DOCK4: variants seen among roughly 807,000 people sequenced by gnomAD.
The protein encoded by DOCK4 is dedicator of cytokinesis 4.
In DOCK4, 97 loss-of-function variants were observed where a neutral mutation model predicts 268.1. The ratio of observed to expected loss-of-function variants is 0.36; its 90% CI spans 0.31 to 0.43. The LOEUF (loss-of-function observed/expected upper bound fraction) is 0.43, where lower values mean the gene tolerates loss of function less well. Ranked by LOEUF, DOCK4 falls within the 20% of genes least tolerant of loss-of-function variation. The pLI, the probability that DOCK4 is intolerant of heterozygous loss-of-function variation, is 1.00. For missense variants in DOCK4, 2,145 were observed against 2,455.7 expected (o/e 0.87, Z 2.67); for synonymous variants, 954 against 887.2 (o/e 1.08, Z -1.34).
intron 23 of DOCK4, among the ~76,000 whole-genome samples, chr7:111,854,447 T>A (rs1466892960): frequency 6.6e-6 from 1 of 152,202 alleles, no homozygotes; most frequent in Non-Finnish European, 1.5e-5. Flanking sequence ...AATTGCTCAC[T>A]CGGGGAGCTC....
rs754504886 is a variant in DOCK4 at position 111,760,211 on chromosome 7, C to T, written c.4132G>A (p.Asp1378Asn). Reference sequence around the variant, plus strand: ...GCTTCTGCCTGGAAGATGGTCTCATCGGGCTGGTTGGCGTGCTGCATGGCG... The same window carrying T: ...GCTTCTGCCTGGAAGATGGTCTCATTGGGCTGGTTGGCGTGCTGCATGGCG... ...AIAMQHANQP[D>N]ETIFQAEAQY... Residue 1378 changes from aspartate (D) to asparagine (N), a missense_variant, in exon 40 of 53, where the codon GAT (aspartate) becomes AAT (asparagine). Asp to Asn is a conservative substitution (Grantham distance 23). This residue lies in a region of DOCK4 where 1,598 missense variants were observed against 1,986.7 expected (regional missense o/e 0.80). Coordinates refer to ENST00000428084, the MANE Select transcript of DOCK4 (RefSeq NM_001363540.2). The T allele has an allele frequency of 3.0e-5, 49 of 1,613,964 alleles. No individual in the cohort carries two copies. Among genetic ancestry groups the T allele is most frequent in the South Asian group, 1.1e-4 (10 of 91,080 alleles).
At chr7:112,118,160 A>C (rs1812355154) in intron 1 of DOCK4, among the ~76,000 whole-genome samples, 1 of 151,160 alleles carries the variant, frequency 6.6e-6, no homozygotes, top group Admixed American at 6.6e-5. Flanking sequence ...TTTGTCTCCT[A>C]TATTTTTTTC....
At chr7:111,900,832 C>T (rs1295887847) in intron 14 of DOCK4, among the ~76,000 whole-genome samples, 2 of 152,192 alleles carry the variant, frequency 1.3e-5, no homozygotes, top group Admixed American at 1.3e-4. Context: ...TCCCAACCTG[C>T]CATAGTCAAA....
chr7:111,770,628 G>C (rs908483966), intron 36 of DOCK4, among the ~76,000 whole-genome samples: 2 of 152,116 alleles, frequency 1.3e-5, no homozygotes, highest in Non-Finnish European at 2.9e-5. Context: ...AACCAGAATT[G>C]TCACTGATAA....
rs541076229 is a variant in DOCK4, at chr7:112,137,368, A to T, written c.37+68734T>A. Among the ~76,000 whole-genome samples, 13 of 152,306 alleles carry T rather than the reference A, an allele frequency of 8.5e-5. No individual in the cohort carries two copies. The South Asian group carries it at 2.7e-3, about 32-fold the overall frequency. ...TGCTATGCGTCAAGGCCTCTGTCAG[A>T]GGAGGTTACATTTCTCCACAGCTTG... On this transcript the variant is annotated intron_variant, in intron 1 of 52. Coordinates refer to ENST00000428084, the MANE Select transcript of DOCK4 (RefSeq NM_001363540.2).
At chr7:111,960,660 A>G (rs1235608883) in intron 8 of DOCK4, among the ~76,000 whole-genome samples, 1 of 150,984 alleles carries the variant, frequency 6.6e-6, no homozygotes, top group Non-Finnish European at 1.5e-5. Flanking sequence ...TATTCCTCCT[A>G]ACTGAAATTT....
At chr7:112,127,068 C>T (rs1199101999) in intron 1 of DOCK4, among the ~76,000 whole-genome samples, 29 of 151,442 alleles carry the variant, frequency 1.9e-4, no homozygotes, top group Non-Finnish European at 1.3e-4. Context: ...GGGTATATAC[C>T]CAAAGGACTA....
At chr7:112,120,745 G>A (rs1160601744) in intron 1 of DOCK4, among the ~76,000 whole-genome samples, 1 of 152,086 alleles carries the variant, frequency 6.6e-6, no homozygotes, top group African/African-American at 2.4e-5. Flanking sequence ...TTCCTTCCAG[G>A]CTCATAAGCA....
intron 1 of DOCK4, among the ~76,000 whole-genome samples, chr7:112,051,920 T>C (rs1161955867): frequency 6.6e-6 from 1 of 152,214 alleles, no homozygotes; most frequent in Non-Finnish European, 1.5e-5. Context: ...TATAGATTTA[T>C]GTCTATACAT....
At chr7:111,802,630 C>T (rs1042274449) in intron 30 of DOCK4, among the ~76,000 whole-genome samples, 2 of 152,128 alleles carry the variant, frequency 1.3e-5, no homozygotes, top group African/African-American at 4.8e-5. Context: ...ATCCCTTGGC[C>T]TCTCTAATGA....
chr7:111,826,277 G>A (rs965866027), intron 26 of DOCK4, among the ~76,000 whole-genome samples: 1 of 152,134 alleles, frequency 6.6e-6, no homozygotes, highest in African/African-American at 2.4e-5. Context: ...CAAGACATAG[G>A]GCTGAAAGAT....
intron 1 of DOCK4, among the ~76,000 whole-genome samples, chr7:112,081,328 C>A (rs1450089137): frequency 1.3e-5 from 2 of 152,092 alleles, no homozygotes; most frequent in Non-Finnish European, 2.9e-5. Flanking sequence ...GGAAACAAGA[C>A]AATCCATGTG....
chr7:111,978,491 C>T (rs1342210125), intron 7 of DOCK4, among the ~76,000 whole-genome samples: 1 of 152,164 alleles, frequency 6.6e-6, no homozygotes, highest in Non-Finnish European at 1.5e-5. Flanking sequence ...CTCAGTCTGC[C>T]CAAGTGCTGG....
intron 42 of DOCK4, among the ~76,000 whole-genome samples, chr7:111,749,256 A>G (rs557369571): frequency 2.6e-5 from 4 of 152,332 alleles, no homozygotes; most frequent in South Asian, 2.1e-4. Flanking sequence ...AACCTAAACC[A>G]TAAAGGAAAA....
intron 50 of DOCK4, among the ~76,000 whole-genome samples, chr7:111,736,646 T>C (rs1795506056): frequency 6.6e-6 from 1 of 152,202 alleles, no homozygotes; most frequent in African/African-American, 2.4e-5. Flanking sequence ...GAGGAGGCAT[T>C]GCCTGGGTGA....
At chr7:111,932,265 T>G (rs147100805) in intron 12 of DOCK4, among the ~76,000 whole-genome samples, 8 of 152,224 alleles carry the variant, frequency 5.3e-5, no homozygotes. Flanking sequence ...CAGCATATCA[T>G]GGTGAGTCAA....
rs1586978866 is a variant in DOCK4 at position 112,175,843 on chromosome 7, T to C, written c.37+30259A>G. On this transcript the variant is annotated intron_variant, in intron 1 of 52. Coordinates refer to ENST00000428084, the MANE Select transcript of DOCK4 (RefSeq NM_001363540.2). The stretch of plus-strand genomic sequence containing the variant: ...TTTTTAATCTAAAAGCTAACAAAAC[T>C]TATTCACACAAATAACTACATTGAA... 2.6e-5 allele frequency among the ~76,000 whole-genome samples: 4 copies of C among 152,306 alleles called. No individual in the cohort carries two copies. In the East Asian group the frequency reaches 5.8e-4, roughly 22 times the overall value.
intron 1 of DOCK4, among the ~76,000 whole-genome samples, chr7:112,192,162 T>C (rs1031021599): frequency 2.6e-5 from 4 of 151,502 alleles, no homozygotes; most frequent in African/African-American, 7.3e-5. Flanking sequence ...GAATCGATCC[T>C]AAATCCATCT....
rs557671395 is a variant in DOCK4 at position 111,754,742 on chromosome 7, C to T, written c.4416+773G>A. 2.5e-4 allele frequency among the ~76,000 whole-genome samples: 38 copies of T among 152,308 alleles called. No homozygotes were observed. The South Asian group carries it at 3.7e-3, about 15-fold the overall frequency. On this transcript the variant is annotated intron_variant, in intron 42 of 52. Coordinates refer to ENST00000428084, the MANE Select transcript of DOCK4 (RefSeq NM_001363540.2). Reference sequence around the variant, plus strand: ...TGTGGCTGCCTTCAGCTGCTGCTCTCCCTGCTGTCCACAACTGGGGCCTGG... The same window carrying T: ...TGTGGCTGCCTTCAGCTGCTGCTCTTCCTGCTGTCCACAACTGGGGCCTGG...
Sources: gnomAD v4.1 joint callset for allele counts (sites outside exome capture counted in the v4.1 genomes callset) on GRCh38, gnomAD v4.1.1 for gene constraint, gnomAD v4.1.1 regional missense constraint, MANE v1.5 for transcripts, NCBI Gene and HGNC (gene_info 2026-07-23, HGNC 2026-07-21) for gene names.